The following DCST2 variants were observed in gnomAD, a reference collection of about 807,000 sequenced individuals.
DCST2 encodes DC-STAMP domain-containing protein 2.
DCST2 carries 64 observed loss-of-function variants against 81.8 expected under a neutral mutation model. That is an observed-to-expected ratio of 0.78 (90% CI 0.64 to 0.96). The LOEUF (loss-of-function observed/expected upper bound fraction) is 0.96. Ranked by LOEUF, DCST2 falls within the 40% of genes least tolerant of loss-of-function variation. The pLI, the probability that DCST2 is intolerant of heterozygous loss-of-function variation, is 0.00. For missense variants in DCST2, 945 were observed against 1,001.4 expected (o/e 0.94, Z 0.76); for synonymous variants, 354 against 402.6 (o/e 0.88, Z 1.44).
chr1:155,029,183 G>C lies in DCST2; in HGVS notation c.1342+50C>G, dbSNP rs374757847. ...CAGGCGGGGAGATCAGAAACAGGCCGAGGGGGCTGCAGTGGGTGAGTGGGA... is the reference window on the plus strand; with the variant it reads ...CAGGCGGGGAGATCAGAAACAGGCCCAGGGGGCTGCAGTGGGTGAGTGGGA... On this transcript the variant is annotated intron_variant, in intron 8 of 14. Coordinates refer to ENST00000368424, the MANE Select transcript of DCST2 (RefSeq NM_144622.3). The C allele has an allele frequency of 1.5e-5, 24 of 1,599,002 alleles. No homozygotes were observed. In the East Asian group the frequency reaches 2.0e-4, roughly 13 times the overall value.
rs766228030 is a variant in DCST2 at position 155,026,744 on chromosome 1, C to G, written c.1343-29G>C. On this transcript the variant is annotated intron_variant, in intron 8 of 14. Coordinates refer to ENST00000368424, the MANE Select transcript of DCST2 (RefSeq NM_144622.3). ...GCACAAAGACACTGTGTGAGTGACA[C>G]TCATGGCAGTTGCTATGCAGAAAAC... 3.1e-6 allele frequency: 5 copies of G among 1,611,940 alleles called. No homozygotes were observed. In the South Asian group the frequency reaches 5.5e-5, roughly 18 times the overall value.
chr1:155,028,391 G>C (rs975550352), intron 8 of DCST2, among the ~76,000 whole-genome samples: 6 of 152,142 alleles, frequency 3.9e-5, no homozygotes, highest in African/African-American at 1.4e-4. Flanking sequence ...AGGAGTTCGA[G>C]AGCAGCCTGA....
chr1:155,031,934 A>T (rs1322089275), intron 3 of DCST2, among the ~76,000 whole-genome samples, 163 bp from the exon 4 acceptor site: 1 of 152,198 alleles, frequency 6.6e-6, no homozygotes, highest in South Asian at 2.1e-4. Context: ...AAGGGGCCCA[A>T]AAAACCCTGG....
At chr1:155,030,946 C>T (rs1660056189) in intron 5 of DCST2, 3 of 617,796 alleles carry the variant, frequency 4.9e-6, no homozygotes, top group African/African-American at 1.8e-5. Flanking sequence ...CTGTTCCCAG[C>T]TCCTGCTCTC....
At chr1:155,032,027 C>T (rs1443011732) in intron 3 of DCST2, among the ~76,000 whole-genome samples, 1 of 152,156 alleles carries the variant, frequency 6.6e-6, no homozygotes, top group African/African-American at 2.4e-5. Flanking sequence ...GAGTTTCGCT[C>T]TTGTTGCCCA....
In DCST2 at chr1:155,031,224, C is replaced by G. The variant is rs762894589; in HGVS notation, c.750G>C (p.Val250=). 3.8e-6 allele frequency: 6 copies of G among 1,582,076 alleles called. No homozygotes were observed. Among genetic ancestry groups the G allele is most frequent in the Non-Finnish European group, 4.3e-6 (5 of 1,164,242 alleles). Residue 250 remains valine, a synonymous_variant, in exon 5 of 15, where the codon GTG becomes GTC. Coordinates refer to ENST00000368424, the MANE Select transcript of DCST2 (RefSeq NM_144622.3). ...GAATGTACTTAGGGATGACGCAGAA[C>G]ACCTGGACCACTGAGGGGCGGAGTC... ...ALCGLASLVQ[V]FCVIPKYIQP...
Position 155,030,168 on chromosome 1 carries a change from G to C in DCST2, c.1093C>G (p.Arg365Gly). The part of the protein sequence containing the change: ...DNIYITSRFL[R>G]MEAVRSTAGL... ...GCCGTGGAGCGCACAGCCTCCATGC[G>C]CAGGAATCGGCTAGTGATGTAGATA... Residue 365 changes from arginine (R) to glycine (G), a missense_variant, in exon 7 of 15, where the codon CGC (arginine) becomes GGC (glycine). Transcript: ENST00000368424. 1.2e-6 allele frequency: 2 copies of C among 1,614,170 alleles called. No homozygotes were observed. The highest frequency in any genetic ancestry group is 1.1e-5 in the South Asian group (1 of 91,090).
chr1:155,020,910 C>T (rs919039384), intron 14 of DCST2, among the ~76,000 whole-genome samples: 2 of 151,828 alleles, frequency 1.3e-5, no homozygotes, highest in African/African-American at 4.9e-5. Flanking sequence ...GCAGTCTCAG[C>T]CTCCCTGGCT....
At chr1:155,028,979 C>T (rs929139686) in intron 8 of DCST2, among the ~76,000 whole-genome samples, 2 of 152,044 alleles carry the variant, frequency 1.3e-5, no homozygotes, top group Non-Finnish European at 2.9e-5. Context: ...GCCAGTGTGA[C>T]TCTAGAGCTT....
At chr1:155,023,089 C>G (rs372646699) in intron 14 of DCST2, 28 bp downstream of exon 14, 9 of 1,603,774 alleles carry the variant, frequency 5.6e-6, no homozygotes, top group Non-Finnish European at 7.6e-6. Context: ...TCACAATTCC[C>G]AGGTGCCAAC....
At chr1:155,030,798 G>A in intron 5 of DCST2, 153 bp from the exon 6 acceptor site, 3 of 735,212 alleles carry the variant, frequency 4.1e-6, no homozygotes, top group South Asian at 1.8e-5. Flanking sequence ...CTGAGGAGGG[G>A]ACAAAGCCTC....
intron 10 of DCST2, among the ~76,000 whole-genome samples, chr1:155,024,829 T>G (rs182109019): frequency 7.2e-5 from 11 of 152,318 alleles, no homozygotes; most frequent in Admixed American, 1.3e-4. Flanking sequence ...TAAATAAAAG[T>G]GCTTTTTAAA....
chr1:155,032,124 G>C (rs1347723457), intron 3 of DCST2, among the ~76,000 whole-genome samples: 2 of 152,108 alleles, frequency 1.3e-5, no homozygotes, highest in Non-Finnish European at 2.9e-5. Flanking sequence ...CTCCTGAGTA[G>C]CTGGGACTAC....
intron 10 of DCST2, among the ~76,000 whole-genome samples, chr1:155,025,878 CTTTTTT>C (rs1179380892): frequency 1.4e-5 from 2 of 146,936 alleles, no homozygotes; most frequent in South Asian, 4.4e-4. Flanking sequence ...TTCTTTCTTT[CTTTTTT>C]TTTTAATAGA....
rs373089065 is a variant in DCST2 at position 155,018,752 on chromosome 1, T to C, written c.2114A>G (p.Asp705Gly). The change falls in exon 15 of 15, where the codon GAT (aspartate) becomes GGT (glycine). Residue 705 changes from aspartate to glycine, a missense_variant. Physicochemically the swap from Asp to Gly is moderately conservative, Grantham distance 94. Transcript: ENST00000368424. ...CCTCTGCTGAGGCCCCTTCTCCTCA[T>C]CCAGGTCACTAGTGAGGAGAGGAAG... ...MESTSESSDL[D>G]EEKGPQQRKH... The C allele has an allele frequency of 3.1e-6, 5 of 1,612,722 alleles. No individual in the cohort carries two copies. The African/African-American group carries it at 5.3e-5, about 17-fold the overall frequency.
intron 9 of DCST2, 63 bp from the exon 10 acceptor site, chr1:155,026,465 G>A (rs369622293): frequency 8.1e-6 from 13 of 1,611,724 alleles, no homozygotes; most frequent in Middle Eastern, 1.7e-4. Flanking sequence ...CACCCCTGGC[G>A]CCCCCCACAT....
At chr1:155,031,515 T>TA in intron 4 of DCST2, 59 bp downstream of exon 4, 17 of 643,126 alleles carry the variant, frequency 2.6e-5, no homozygotes, top group Non-Finnish European at 4.7e-5. Flanking sequence ...ACCCCCACAT[T>TA]CCCACCCCAC....
chr1:155,030,555 CGA>C lies in DCST2; in HGVS notation c.894_895del (p.Arg299GlufsTer56), dbSNP rs1558102021. On this transcript the variant is annotated frameshift_variant, in exon 6 of 15. Transcript: ENST00000368424. LOFTEE classifies it high-confidence loss of function. ...GTCCATGGCTACCTGGGACAGGCTC[CGA>C]GAGGCATTGAGATCCACAGAGAAGT... 1.9e-6 allele frequency: 3 copies of C among 1,614,076 alleles called. No individual in the cohort carries two copies. In the South Asian group the frequency reaches 3.3e-5, roughly 18 times the overall value.
chr1:155,033,756 G>A lies in DCST2; in HGVS notation c.-55C>T. 1 of 1,577,260 alleles carries A rather than the reference G, an allele frequency of 6.3e-7. No homozygotes were observed. Among genetic ancestry groups the A allele is most frequent in the Non-Finnish European group, 8.6e-7 (1 of 1,161,712 alleles). ...CCAGGAGATGCCCGCTGACTTCTGTGCTCCTGGAATTTCTCACCGTATTCT... is the reference window on the plus strand; with the variant it reads ...CCAGGAGATGCCCGCTGACTTCTGTACTCCTGGAATTTCTCACCGTATTCT... On this transcript the variant is annotated 5_prime_UTR_variant, in exon 1 of 15. Transcript: ENST00000368424.
Sources: gnomAD v4.1 joint callset for allele counts (sites outside exome capture counted in the v4.1 genomes callset) on GRCh38, gnomAD v4.1.1 for gene constraint, MANE v1.5 for transcripts, NCBI Gene and HGNC (gene_info 2026-07-23, HGNC 2026-07-21) for gene names.